IER2: variants seen among roughly 807,000 people sequenced by gnomAD.
The protein encoded by IER2 is immediate early response 2.
For missense variants in IER2, 372 were observed against 325.4 expected, an observed-to-expected ratio of 1.14 and a Z score of -1.10; for synonymous variants, 198 against 149.6, an observed-to-expected ratio of 1.32 and a Z score of -2.36.
At position 13,150,454 on chromosome 19, in the gene IER2, T is replaced by G. The variant is rs1252388980; in HGVS notation, c.-342T>G. 4 of 420,322 alleles carry G rather than the reference T, an allele frequency of 9.5e-6. No homozygotes were observed. Among genetic ancestry groups the G allele is most frequent in the Non-Finnish European group, 1.7e-5 (4 of 234,870 alleles). The allele number at this position is 420,322 out of a possible 1,614,324, so 26.0% of individuals were successfully genotyped here. ...CGTAGGGGGCGGTGTCGGAGTTCTG[T>G]CTGGGCCTATTCGGGTCCGAGTTCG... On this transcript the variant is annotated 5_prime_UTR_variant, in exon 1 of 2. Transcript: ENST00000292433. This position sits in a 1 kb window ranked among gnomAD's most constrained non-coding sequence, Gnocchi z 4.0.
At position 13,154,168 on chromosome 19, in the gene IER2, G is replaced by A; in HGVS notation, c.*310G>A. ...GAACCTTTCGCTCTCCTTCTGGACT[G>A]GGAGAAGGGAGGCTTGGGTGTTGTG... On this transcript the variant is annotated 3_prime_UTR_variant, in exon 2 of 2. Transcript: ENST00000292433. 2.5e-6 allele frequency: 1 copy of A among 393,518 alleles called. No homozygotes were observed. Among genetic ancestry groups the A allele is most frequent in the Admixed American group, 4.7e-5 (1 of 21,208 alleles). The allele number at this position is 393,518 out of a possible 1,614,324, so 24.4% of individuals were successfully genotyped here.
chr19:13,153,674 C>G lies in IER2; in HGVS notation c.488C>G (p.Pro163Arg). ...GAAGTCGCCGATCGCCTGCAGCCCCCTCCGGCGCAAGCGGAGGGCGCCTTT... is the reference window on the plus strand; with the variant it reads ...GAAGTCGCCGATCGCCTGCAGCCCCGTCCGGCGCAAGCGGAGGGCGCCTTT... ...SSEVADRLQPPPAQAEGAFPN... is the reference protein window; with the variant it reads ...SSEVADRLQPRPAQAEGAFPN... The change falls in exon 2 of 2, where the codon CCT becomes CGT. Residue 163 changes from proline to arginine, a missense_variant. Physicochemically the swap from Pro to Arg is moderately radical, Grantham distance 103 (BLOSUM62 -2). Transcript: ENST00000292433. 1.2e-6 allele frequency: 2 copies of G among 1,612,678 alleles called. No homozygotes were observed. Among genetic ancestry groups the G allele is most frequent in the East Asian group, 4.5e-5 (2 of 44,870 alleles).
At chr19:13,152,493 C>G (rs1191123635) in intron 1 of IER2, 1 of 152,248 alleles carries the variant, frequency 6.6e-6, no homozygotes, top group Non-Finnish European at 1.5e-5. Context: ...CCTTGGTTTC[C>G]CCACTTGAAG....
chr19:13,153,403 C>G lies in IER2; in HGVS notation c.217C>G (p.Pro73Ala). The G allele has an allele frequency of 6.3e-7, 1 of 1,592,018 alleles. No individual in the cohort carries two copies. Among genetic ancestry groups the G allele is most frequent in the Non-Finnish European group, 8.5e-7 (1 of 1,172,138 alleles). Residue 73 changes from proline (P) to alanine (A), a missense_variant, in exon 2 of 2, where the codon CCG becomes GCG. By Grantham distance (27) the Pro-to-Ala change is conservative. Coordinates refer to ENST00000292433, the MANE Select transcript of IER2 (RefSeq NM_004907.3). ...AALPSDPRLH[P>A]PREAESTAET... is the part of the protein sequence containing the mutation. ...CCTCCCCTCTGACCCTCGCCTGCAC[C>G]CGCCCCGAGAAGCCGAGTCCACGGC...
rs775737752 is a variant in IER2, at chr19:13,153,356, C to T, written c.170C>T (p.Pro57Leu). Residue 57 changes from proline to leucine, a missense_variant, in exon 2 of 2, where the codon CCC becomes CTC. Transcript: ENST00000292433. Reference protein sequence around the residue: ...YLSAKVEALEPEVSLPAALPS... With the variant: ...YLSAKVEALELEVSLPAALPS... ...TCGGCCAAGGTGGAGGCCCTCGAGCCCGAGGTGTCGTTGCCGGCCGCCCTC... is the reference window on the plus strand; with the variant it reads ...TCGGCCAAGGTGGAGGCCCTCGAGCTCGAGGTGTCGTTGCCGGCCGCCCTC... The T allele has an allele frequency of 1.3e-5, 20 of 1,596,988 alleles. No individual in the cohort carries two copies. Among genetic ancestry groups the T allele is most frequent in the Non-Finnish European group, 1.7e-5 (20 of 1,173,108 alleles).
chr19:13,150,529 G>T lies in IER2; in HGVS notation c.-267G>T. On this transcript the variant is annotated 5_prime_UTR_variant, in exon 1 of 2. Transcript: ENST00000292433. This position sits in a 1 kb window ranked among gnomAD's most constrained non-coding sequence, Gnocchi z 4.0. ...CTCGGATTGTTCCTGCGCAACTTCA[G>T]TTTCCCTTCCAGGCACGGGCAATGT... The T allele has an allele frequency of 4.2e-6, 1 of 236,230 alleles. No homozygotes were observed. The highest frequency in any genetic ancestry group is 6.2e-5 in the South Asian group (1 of 16,108). 14.6% of individuals were successfully genotyped at this position (236,230 alleles called of 1,614,324 possible).
chr19:13,151,738 T>C (rs1181094263), intron 1 of IER2, among the ~76,000 whole-genome samples: 1 of 151,788 alleles, frequency 6.6e-6, no homozygotes, highest in Non-Finnish European at 1.5e-5. Flanking sequence ...TCCAGCCTGC[T>C]CCGGCTGCCC....
At chr19:13,151,693 C>G (rs2020061195) in intron 1 of IER2, among the ~76,000 whole-genome samples, 1 of 152,228 alleles carries the variant, frequency 6.6e-6, no homozygotes, top group Admixed American at 6.5e-5. Context: ...CCTCTTCCCC[C>G]ACCCGGCTGG....
Position 13,153,348 on chromosome 19 carries a change from C to G in IER2, c.162C>G (p.Ala54=). The G allele has an allele frequency of 6.3e-7, 1 of 1,599,382 alleles. No individual in the cohort carries two copies. Among genetic ancestry groups the G allele is most frequent in the East Asian group, 2.3e-5 (1 of 44,176 alleles). Residue 54 remains alanine, a synonymous_variant, in exon 2 of 2, where the codon GCC becomes GCG. Coordinates refer to ENST00000292433, the MANE Select transcript of IER2 (RefSeq NM_004907.3). The stretch of plus-strand genomic sequence containing the variant: ...TCTACCTCTCGGCCAAGGTGGAGGC[C>G]CTCGAGCCCGAGGTGTCGTTGCCGG... ...RELYLSAKVE[A]LEPEVSLPAA...
In IER2 at chr19:13,153,163, C is replaced by T. The variant is rs766588604; in HGVS notation, c.-24C>T. ...CTGTTCTGTCCCTCCCGGGAGCCCCCGCCGCTGTCGCCGTCGAGTCGCCAT... is the reference window on the plus strand; with the variant it reads ...CTGTTCTGTCCCTCCCGGGAGCCCCTGCCGCTGTCGCCGTCGAGTCGCCAT... On this transcript the variant is annotated 5_prime_UTR_variant, in exon 2 of 2. Transcript: ENST00000292433. 2 of 1,487,348 alleles carry T rather than the reference C, an allele frequency of 1.3e-6. No homozygotes were observed. The highest frequency in any genetic ancestry group is 1.4e-5 in the South Asian group (1 of 72,102). The allele number at this position is 1,487,348 out of a possible 1,614,324, so 92.1% of individuals were successfully genotyped here.
At chr19:13,151,800 C>T (rs1398481070) in intron 1 of IER2, among the ~76,000 whole-genome samples, 1 of 39,708 alleles carries the variant, frequency 2.5e-5, no homozygotes, top group Admixed American at 2.9e-4. Context: ...CGCCCCTCCG[C>T]GCCCCCCCCC....
At chr19:13,151,329 C>T (rs2020054676) in intron 1 of IER2, among the ~76,000 whole-genome samples, 1 of 151,748 alleles carries the variant, frequency 6.6e-6, no homozygotes, top group East Asian at 1.9e-4. Flanking sequence ...CAGTCTGGCA[C>T]CATCGTTGAA....
In IER2 at chr19:13,153,054, C is replaced by G. The variant is rs111466972; in HGVS notation, c.-133C>G. 1.7e-6 allele frequency: 1 copy of G among 593,040 alleles called. No homozygotes were observed. The highest frequency in any genetic ancestry group is 3.4e-5 in the East Asian group (1 of 29,804). The allele number at this position is 593,040 out of a possible 1,614,324, so 36.7% of individuals were successfully genotyped here. A position where few individuals can be genotyped will look rare whatever the true frequency, so the allele number is the denominator to read the frequency against. On this transcript the variant is annotated 5_prime_UTR_variant, in exon 2 of 2. Coordinates refer to ENST00000292433, the MANE Select transcript of IER2 (RefSeq NM_004907.3). ...AGGGCCTGGGTGGCGGGCGCCTGGG[C>G]AGAGCGTCCTAGCAGTGTCACTGCG...
chr19:13,154,197 T>C lies in IER2; in HGVS notation c.*339T>C. 3.1e-6 allele frequency: 1 copy of C among 324,848 alleles called. No homozygotes were observed. Among genetic ancestry groups the C allele is most frequent in the Non-Finnish European group, 5.9e-6 (1 of 170,370 alleles). 20.1% of individuals were successfully genotyped at this position (324,848 alleles called of 1,614,324 possible). A position where few individuals can be genotyped will look rare whatever the true frequency, so the allele number is the denominator to read the frequency against. On this transcript the variant is annotated 3_prime_UTR_variant, in exon 2 of 2. Transcript: ENST00000292433. ...GAAGGGAGGCTTGGGTGTTGTGTTTTTTGTTTTGTTTGTTTGTTTGTTTTT... is the reference window on the plus strand; with the variant it reads ...GAAGGGAGGCTTGGGTGTTGTGTTTCTTGTTTTGTTTGTTTGTTTGTTTTT...
Position 13,153,817 on chromosome 19 carries a change from A to G in IER2, c.631A>G (p.Ser211Gly), listed in dbSNP as rs894973351. 1.3e-5 allele frequency: 20 copies of G among 1,494,020 alleles called. No individual in the cohort carries two copies. In the South Asian group the frequency reaches 2.1e-4, roughly 16 times the overall value. The allele number at this position is 1,494,020 out of a possible 1,614,324, so 92.5% of individuals were successfully genotyped here. A position where few individuals can be genotyped will look rare whatever the true frequency, so the allele number is the denominator to read the frequency against. The change falls in exon 2 of 2, where the codon AGC becomes GGC. Residue 211 changes from serine (S) to glycine (G), a missense_variant. Ser to Gly is a moderately conservative substitution (Grantham distance 56). Transcript: ENST00000292433. The part of the protein sequence containing the change: ...EAKPACRPAD[S>G]MLNVLVRAVV... ...AAAGCCCGCTTGCCGCCCGGCGGAC[A>G]GCATGCTCAACGTGCTCGTGCGGGC... is the stretch of plus-strand genomic sequence containing the variant.
Position 13,152,981 on chromosome 19 carries a change from G to T in IER2, c.-206G>T, listed in dbSNP as rs1306267378. 3.1e-5 allele frequency: 13 copies of T among 415,676 alleles called. No homozygotes were observed. 25.7% of individuals were successfully genotyped at this position (415,676 alleles called of 1,614,324 possible). A position where few individuals can be genotyped will look rare whatever the true frequency, so the allele number is the denominator to read the frequency against. On this transcript the variant is annotated 5_prime_UTR_variant, in exon 2 of 2. Coordinates refer to ENST00000292433, the MANE Select transcript of IER2 (RefSeq NM_004907.3). ...GCGACGAGTTGGAAAGCCCGGATGCGTCCTTCGGTTGGGCGGGGTGTCTCA... is the reference window on the plus strand; with the variant it reads ...GCGACGAGTTGGAAAGCCCGGATGCTTCCTTCGGTTGGGCGGGGTGTCTCA...
chr19:13,152,320 A>G (rs2020076563), intron 1 of IER2: 1 of 152,242 alleles, frequency 6.6e-6, no homozygotes, highest in Non-Finnish European at 1.5e-5. Context: ...CTGCGGGGGA[A>G]TGGCTTGGTA....
Position 13,153,449 on chromosome 19 carries a change from G to T in IER2, c.263G>T (p.Gly88Val), listed in dbSNP as rs1166878251. ...ESTAETATPD[G>V]EHPFPEPMDT... ...ACGGCCGAGACAGCGACCCCCGACGGTGAGCACCCGTTTCCGGAGCCAATG... is the reference window on the plus strand; with the variant it reads ...ACGGCCGAGACAGCGACCCCCGACGTTGAGCACCCGTTTCCGGAGCCAATG... The change falls in exon 2 of 2, where the codon GGT becomes GTT. Residue 88 changes from glycine to valine, a missense_variant. Physicochemically the swap from Gly to Val is moderately radical, Grantham distance 109 (BLOSUM62 -3). Coordinates refer to ENST00000292433, the MANE Select transcript of IER2 (RefSeq NM_004907.3). 6 of 1,595,522 alleles carry T rather than the reference G, an allele frequency of 3.8e-6. No individual in the cohort carries two copies. The highest frequency in any genetic ancestry group is 5.1e-6 in the Non-Finnish European group (6 of 1,172,810).
chr19:13,153,134 C>G lies in IER2; in HGVS notation c.-53C>G. ...GAGCCCGTTGTCCGGAGTGCACCTG[C>G]TGCCTGTTCTGTCCCTCCCGGGAGC... On this transcript the variant is annotated 5_prime_UTR_variant, in exon 2 of 2. Transcript: ENST00000292433. The G allele has an allele frequency of 7.3e-7, 1 of 1,369,936 alleles. No homozygotes were observed. Among genetic ancestry groups the G allele is most frequent in the South Asian group, 1.5e-5 (1 of 67,264 alleles). 84.9% of individuals were successfully genotyped at this position (1,369,936 alleles called of 1,614,324 possible). A position where few individuals can be genotyped will look rare whatever the true frequency, so the allele number is the denominator to read the frequency against.
Sources: gnomAD v4.1 joint callset for allele counts (sites outside exome capture counted in the v4.1 genomes callset) on GRCh38, gnomAD v4.1.1 for gene constraint, Gnocchi (gnomAD v3.1) non-coding constraint, MANE v1.5 for transcripts, NCBI Gene and HGNC (gene_info 2026-07-23, HGNC 2026-07-21) for gene names.